The following RFX7 variants were observed in gnomAD, a reference collection of about 807,000 sequenced individuals.
RFX7 encodes DNA-binding protein RFX7.
In RFX7, 26 loss-of-function variants were observed where a neutral mutation model predicts 111.8. That is an observed-to-expected ratio of 0.23 (90% confidence interval 0.17 to 0.32). The LOEUF (loss-of-function observed/expected upper bound fraction) is 0.32. Among genes scored for constraint, RFX7 ranks in the 10% least tolerant of loss-of-function variants. RFX7 has a pLI of 1.00. For synonymous variants in RFX7, 624 were observed against 624.4 expected, an observed-to-expected ratio of 1.00 and a Z score of 0.01; for missense variants, 1,573 against 1,772.9, an observed-to-expected ratio of 0.89 and a Z score of 2.02.
intron 2 of RFX7, among the ~76,000 whole-genome samples, chr15:56,198,402 T>A (rs1261994907): frequency 1.3e-5 from 2 of 152,136 alleles, no homozygotes; most frequent in African/African-American, 4.8e-5. Flanking sequence ...TATGTTCCAT[T>A]AGAGTAAAAG....
chr15:56,137,077 T>C (rs2042313808), intron 5 of RFX7, among the ~76,000 whole-genome samples: 1 of 152,200 alleles, frequency 6.6e-6, no homozygotes, highest in Non-Finnish European at 1.5e-5. Flanking sequence ...TCTAAAATTC[T>C]TTTTTTGTTA....
chr15:56,114,579 C>A (rs943486862), intron 5 of RFX7, among the ~76,000 whole-genome samples: 1 of 152,024 alleles, frequency 6.6e-6, no homozygotes, highest in East Asian at 1.9e-4. Context: ...AGACTAGGAT[C>A]ATACTAATAT....
At chr15:56,165,873 C>T (rs567915603) in intron 3 of RFX7, among the ~76,000 whole-genome samples, 12 of 152,092 alleles carry the variant, frequency 7.9e-5, no homozygotes, top group Non-Finnish European at 1.8e-4. Context: ...AATACTCAGC[C>T]TCTTTTATCC....
chr15:56,125,218 C>T (rs2042127781), intron 5 of RFX7, among the ~76,000 whole-genome samples: 1 of 152,052 alleles, frequency 6.6e-6, no homozygotes, highest in Non-Finnish European at 1.5e-5. Context: ...TATATGTGTG[C>T]TTTTATGCCA....
chr15:56,102,279 T>C (rs767554655), intron 6 of RFX7, 26 bp from the exon 7 acceptor site: 7 of 1,433,822 alleles, frequency 4.9e-6, no homozygotes, highest in Non-Finnish European at 6.8e-6. Context: ...GGTCTAAATA[T>C]TCAAAATTAA....
chr15:56,132,991 A>C (rs72738604), intron 5 of RFX7, among the ~76,000 whole-genome samples: 19,759 of 152,140 alleles, frequency 0.13, 1,665 homozygotes, highest in East Asian at 0.44. Flanking sequence ...TATACATTAA[A>C]GAAGGCATTA....
intron 2 of RFX7, among the ~76,000 whole-genome samples, chr15:56,194,211 T>C (rs1000368557): frequency 3.3e-5 from 5 of 152,180 alleles, no homozygotes; most frequent in African/African-American, 1.2e-4. Context: ...TATCCAAAAG[T>C]TCAATGCTAT....
chr15:56,123,347 C>A (rs181068179), intron 5 of RFX7, among the ~76,000 whole-genome samples: 38 of 152,244 alleles, frequency 2.5e-4, no homozygotes, highest in African/African-American at 8.7e-4. Context: ...CAGGGTGTGT[C>A]TAGAAATGTC....
intron 3 of RFX7, among the ~76,000 whole-genome samples, chr15:56,150,953 G>C (rs1182489718): frequency 6.6e-6 from 1 of 151,484 alleles, no homozygotes; most frequent in Non-Finnish European, 1.5e-5. Flanking sequence ...CGATCAACCA[G>C]AAGAAAGGAT....
chr15:56,140,608 G>C (rs1483635538), intron 5 of RFX7, among the ~76,000 whole-genome samples: 1 of 152,116 alleles, frequency 6.6e-6, no homozygotes, highest in Non-Finnish European at 1.5e-5. Flanking sequence ...GTTCCTATTC[G>C]GCCATCTTGG....
chr15:56,210,503 GCA>G lies in RFX7; in HGVS notation c.162-31202_162-31201del, dbSNP rs374489891. Reference sequence around the variant, plus strand: ...TTATAGAGCACTTCATCCAAAAACAGCACATTCTTCTCAAGCTCACATGGAAC... The same window carrying G: ...TTATAGAGCACTTCATCCAAAAACAGCATTCTTCTCAAGCTCACATGGAAC... On this transcript the variant is annotated intron_variant, in intron 2 of 9. Coordinates refer to ENST00000559447, the MANE Select transcript of RFX7 (RefSeq NM_022841.7). 4.0e-3 allele frequency among the ~76,000 whole-genome samples: 604 copies of G among 152,056 alleles called. 3 individuals are homozygous for G. Among genetic ancestry groups the G allele is most frequent in the African/African-American group, 0.014 (589 of 41,536 alleles).
chr15:56,171,514 C>G lies in RFX7; in HGVS notation c.195+7756G>C, dbSNP rs910391832. Among the ~76,000 whole-genome samples the G allele has an allele frequency of 1.4e-4, 21 of 151,864 alleles. 1 individual carries two copies. The highest frequency in any genetic ancestry group is 1.5e-5 in the Non-Finnish European group (1 of 67,998). On this transcript the variant is annotated intron_variant, in intron 3 of 9. Transcript: ENST00000559447. ...ATTAATGGCTTTGAAGATGCAGCTACTGGAAGCTAAAAAAGGCAAGGAAAC... is the reference window on the plus strand; with the variant it reads ...ATTAATGGCTTTGAAGATGCAGCTAGTGGAAGCTAAAAAAGGCAAGGAAAC...
intron 5 of RFX7, among the ~76,000 whole-genome samples, chr15:56,114,451 A>G (rs2041981169): frequency 1.3e-5 from 2 of 151,528 alleles, no homozygotes; most frequent in African/African-American, 4.8e-5. Flanking sequence ...CAAAAAAACA[A>G]CAGAAAAGGA....
rs1275687786 is a variant in RFX7 at position 56,243,835 on chromosome 15, C to G, written c.-393G>C. On this transcript the variant is annotated 5_prime_UTR_variant, in exon 1 of 10. Coordinates refer to ENST00000559447, the MANE Select transcript of RFX7 (RefSeq NM_022841.7). ...CTCCCGGCCCCGCCGCCGCCGCGGC[C>G]GCCGCTGCCCTGCCAGCCCCGGAGG... Among the ~76,000 whole-genome samples, 29 of 147,324 alleles carry G rather than the reference C, an allele frequency of 2.0e-4. No individual in the cohort carries two copies. Among genetic ancestry groups the G allele is most frequent in the Non-Finnish European group, 9.1e-5 (6 of 66,158 alleles).
chr15:56,138,778 C>G (rs1176645239), intron 5 of RFX7, among the ~76,000 whole-genome samples: 4 of 151,744 alleles, frequency 2.6e-5, no homozygotes, highest in East Asian at 1.9e-4. Context: ...CATGTTTAGC[C>G]CTTCCTTCAG....
intron 2 of RFX7, among the ~76,000 whole-genome samples, chr15:56,230,071 C>G (rs1286872890): frequency 3.3e-5 from 5 of 151,528 alleles, no homozygotes; most frequent in Non-Finnish European, 7.4e-5. Context: ...GGTCTTGTCT[C>G]CTAAAAAAAA....
At chr15:56,179,980 A>G (rs1309009425) in intron 2 of RFX7, among the ~76,000 whole-genome samples, 1 of 152,188 alleles carries the variant, frequency 6.6e-6, no homozygotes, top group Non-Finnish European at 1.5e-5. Flanking sequence ...TATATAACAC[A>G]AATGAAGCCA....
rs1313176873 is a variant in RFX7 at position 56,090,757 on chromosome 15, A to C, written c.*2588T>G. 1 of 152,616 alleles carries C rather than the reference A, an allele frequency of 6.6e-6. No individual in the cohort carries two copies. The highest frequency in any genetic ancestry group is 2.4e-5 in the African/African-American group (1 of 41,462). 9.5% of individuals were successfully genotyped at this position (152,616 alleles called of 1,614,324 possible). A position where few individuals can be genotyped will look rare whatever the true frequency, so the allele number is the denominator to read the frequency against. The stretch of plus-strand genomic sequence containing the variant: ...CATTTATCGTGTAGTAAAGCACATT[A>C]TAGTACAAGACTATTATATGAACCT... On this transcript the variant is annotated 3_prime_UTR_variant, in exon 10 of 10. Transcript: ENST00000559447.
intron 2 of RFX7, among the ~76,000 whole-genome samples, chr15:56,234,866 C>CACATAAAAATTTAGTGAGTTT (rs2043605567): frequency 6.6e-6 from 1 of 152,070 alleles, no homozygotes; most frequent in East Asian, 1.9e-4. Flanking sequence ...CATTTAAATT[C>CACATAAAAATTTAGTGAGTTT]AGTAAAAACT....
Sources: allele counts gnomAD v4.1 joint callset (sites outside exome capture counted in the v4.1 genomes callset), GRCh38; gene constraint gnomAD v4.1.1; transcripts MANE v1.5; gene names NCBI Gene and HGNC (gene_info 2026-07-23, HGNC 2026-07-21).